The following ARHGAP35 variants were observed in gnomAD, a reference collection of about 807,000 sequenced individuals.
The protein encoded by ARHGAP35 is rho GTPase-activating protein 35.
Under a neutral mutation model 111.1 loss-of-function variants are expected in ARHGAP35, and 15 were observed. The observed-to-expected ratio is 0.13, with a 90% confidence interval of 0.09 to 0.21. ARHGAP35 has a LOEUF of 0.21. ARHGAP35 is among the 10% of genes least tolerant of loss of function. ARHGAP35 has a pLI of 1.00. For synonymous variants in ARHGAP35, 643 were observed against 710.3 expected, an observed-to-expected ratio of 0.91 and a Z score of 1.51; for missense variants, 1,262 against 1,873.0, an observed-to-expected ratio of 0.67 and a Z score of 6.02.
At chr19:46,912,530 T>A (rs897944112) in intron 1 of ARHGAP35, among the ~76,000 whole-genome samples, 2 of 151,466 alleles carry the variant, frequency 1.3e-5, no homozygotes, top group African/African-American at 2.4e-5. Flanking sequence ...ATTTTTTGTA[T>A]TTTTTTTAGT....
chr19:47,001,541 G>A lies in ARHGAP35; in HGVS notation c.*853G>A, dbSNP rs2056748500. 8.3e-6 allele frequency: 5 copies of A among 601,038 alleles called. No individual in the cohort carries two copies. Among genetic ancestry groups the A allele is most frequent in the Non-Finnish European group, 1.3e-5 (5 of 394,106 alleles). The allele number at this position is 601,038 out of a possible 1,614,324, so 37.2% of individuals were successfully genotyped here. A position where few individuals can be genotyped will look rare whatever the true frequency, so the allele number is the denominator to read the frequency against. On this transcript the variant is annotated 3_prime_UTR_variant, in exon 7 of 7. Coordinates refer to ENST00000672722, the MANE Select transcript of ARHGAP35 (RefSeq NM_004491.5). This position sits in a 1 kb window ranked among gnomAD's most constrained non-coding sequence, Gnocchi z 5.4. ...TGGCAGCAAAACCAGGATGCCTGGAGCTGTGGCCTGAGGGCCTGCTGGGGT... is the reference window on the plus strand; with the variant it reads ...TGGCAGCAAAACCAGGATGCCTGGAACTGTGGCCTGAGGGCCTGCTGGGGT...
intron 3 of ARHGAP35, among the ~76,000 whole-genome samples, chr19:46,938,095 G>C (rs1471148324): frequency 6.6e-6 from 1 of 152,148 alleles, no homozygotes. Context: ...CACTAAGGTG[G>C]GTTCTTGAGC....
intron 3 of ARHGAP35, among the ~76,000 whole-genome samples, chr19:46,963,509 C>T (rs374660058): frequency 3.3e-4 from 51 of 152,320 alleles, no homozygotes; most frequent in African/African-American, 1.2e-3. Flanking sequence ...TTCCAAGCCC[C>T]ATCTGAAAGC....
intron 1 of ARHGAP35, among the ~76,000 whole-genome samples, chr19:46,912,565 C>G (rs966305698): frequency 1.3e-5 from 2 of 151,774 alleles, no homozygotes; most frequent in Non-Finnish European, 2.9e-5. Flanking sequence ...ACCATGTTAG[C>G]CAGGATGGTC....
chr19:46,886,087 T>C (rs1332369714), intron 1 of ARHGAP35, among the ~76,000 whole-genome samples: 2 of 152,234 alleles, frequency 1.3e-5, no homozygotes, highest in African/African-American at 4.8e-5. Context: ...GGGTACTGCA[T>C]GATGCTGCAG....
intron 1 of ARHGAP35, among the ~76,000 whole-genome samples, chr19:46,905,603 G>A (rs1261098536): frequency 1.3e-5 from 2 of 151,490 alleles, no homozygotes; most frequent in African/African-American, 4.9e-5. Flanking sequence ...AGGCTGGAGT[G>A]CAATGGCGCG....
chr19:46,961,794 G>C (rs773692013), intron 3 of ARHGAP35, among the ~76,000 whole-genome samples: 1 of 152,122 alleles, frequency 6.6e-6, no homozygotes, highest in Non-Finnish European at 1.5e-5. Flanking sequence ...GCCGGGCGTG[G>C]TGGCGCACAC....
At chr19:46,964,402 GC>G (rs1458143395) in intron 3 of ARHGAP35, among the ~76,000 whole-genome samples, 4 of 151,578 alleles carry the variant, frequency 2.6e-5, no homozygotes, top group Non-Finnish European at 5.9e-5. Flanking sequence ...CCACAGGCAT[GC>G]ACCACCAAGC....
In ARHGAP35 at chr19:46,901,416, GGCATGGTGAC is replaced by G. The variant is rs1342462019; in HGVS notation, c.-188-17069_-188-17060del. ...CCACTAAAAATACAAAAATTAGCTAGGCATGGTGACGCGTGCCTGTAGTTCCAGCTACTTG... is the reference window on the plus strand; with the variant it reads ...CCACTAAAAATACAAAAATTAGCTAGGCGTGCCTGTAGTTCCAGCTACTTG... On this transcript the variant is annotated intron_variant, in intron 1 of 6. Transcript: ENST00000672722. This position sits in a 1 kb window ranked among gnomAD's most constrained non-coding sequence, Gnocchi z 4.5. 1.2e-4 allele frequency among the ~76,000 whole-genome samples: 19 copies of G among 152,136 alleles called. No homozygotes were observed. The highest frequency in any genetic ancestry group is 1.2e-3 in the Admixed American group (19 of 15,286).
chr19:46,996,377 C>T (rs2056707405), intron 5 of ARHGAP35, among the ~76,000 whole-genome samples: 1 of 152,184 alleles, frequency 6.6e-6, no homozygotes, highest in Non-Finnish European at 1.5e-5. Context: ...GCTGGGATTA[C>T]AGGCCTGAGC....
rs1224044915 is a variant in ARHGAP35 at position 46,926,717 on chromosome 19, CCAATT to C, written c.3681+4366_3681+4370del. Among the ~76,000 whole-genome samples the C allele has an allele frequency of 6.6e-6, 1 of 152,150 alleles. No homozygotes were observed. Among genetic ancestry groups the C allele is most frequent in the African/African-American group, 2.4e-5 (1 of 41,434 alleles). ...ACAAGACAACCTATTGAAAAGCTAA[CCAATT>C]CAATCATGCATTGTTTGGTCTATAA... On this transcript the variant is annotated intron_variant, in intron 2 of 6. Coordinates refer to ENST00000672722, the MANE Select transcript of ARHGAP35 (RefSeq NM_004491.5). This position sits in a 1 kb window ranked among gnomAD's most constrained non-coding sequence, Gnocchi z 4.1.
Position 46,999,179 on chromosome 19 carries a change from G to A in ARHGAP35, c.4037-125G>A, listed in dbSNP as rs140307122. The A allele has an allele frequency of 1.1e-3, 727 of 651,726 alleles. 7 individuals carry two copies. The African/African-American group carries it at 0.012, about 11-fold the overall frequency. The allele number at this position is 651,726 out of a possible 1,614,324, so 40.4% of individuals were successfully genotyped here. A position where few individuals can be genotyped will look rare whatever the true frequency, so the allele number is the denominator to read the frequency against. Reference sequence around the variant, plus strand: ...CCTTGGGCACAGGCTTTGGGGGAAAGAGTGGGGTTAGTGTCATCCAAAAGC... The same window carrying A: ...CCTTGGGCACAGGCTTTGGGGGAAAAAGTGGGGTTAGTGTCATCCAAAAGC... On this transcript the variant is annotated intron_variant, in intron 5 of 6. Transcript: ENST00000672722. The surrounding 1 kb of genome is among the most constrained non-coding windows in gnomAD (Gnocchi z 5.4).
chr19:46,891,224 T>C (rs1330145553), intron 1 of ARHGAP35, among the ~76,000 whole-genome samples: 1 of 152,194 alleles, frequency 6.6e-6, no homozygotes, highest in Non-Finnish European at 1.5e-5. Flanking sequence ...ATGGAAGTTG[T>C]ATTGTTACTA....
At position 46,919,203 on chromosome 19, in the gene ARHGAP35, C is replaced by A; in HGVS notation, c.528C>A (p.Asp176Glu). The A allele has an allele frequency of 6.2e-7, 1 of 1,613,930 alleles. No individual in the cohort carries two copies. The highest frequency in any genetic ancestry group is 8.5e-7 in the Non-Finnish European group (1 of 1,179,878). Residue 176 changes from aspartate to glutamate, a missense_variant, in exon 2 of 7, where the codon GAC (aspartate) becomes GAA (glutamate). Coordinates refer to ENST00000672722, the MANE Select transcript of ARHGAP35 (RefSeq NM_004491.5). The surrounding 1 kb of genome is among the most constrained non-coding windows in gnomAD (Gnocchi z 6.2). The stretch of plus-strand genomic sequence containing the variant: ...GGGGCATGAATAGGAACTTTGATGA[C>A]CAGCTCAAGTTTGTCTCCAATCTCT... Reference protein sequence around the residue: ...VSRGMNRNFDDQLKFVSNLYN... With the variant: ...VSRGMNRNFDEQLKFVSNLYN...
At chr19:46,907,489 T>C (rs1041325898) in intron 1 of ARHGAP35, among the ~76,000 whole-genome samples, 4 of 148,058 alleles carry the variant, frequency 2.7e-5, no homozygotes, top group African/African-American at 1.0e-4. Flanking sequence ...TTTGTTTGTT[T>C]GTTTGTTTGT....
chr19:46,943,145 ATCCT>A (rs2056359166), intron 3 of ARHGAP35, among the ~76,000 whole-genome samples: 2 of 151,896 alleles, frequency 1.3e-5, no homozygotes, highest in South Asian at 4.1e-4. Flanking sequence ...GGCTCAAGTG[ATCCT>A]TCCTCCTTTT....
chr19:46,893,690 A>G (rs1421595763), intron 1 of ARHGAP35, among the ~76,000 whole-genome samples: 1 of 151,968 alleles, frequency 6.6e-6, no homozygotes, highest in East Asian at 1.9e-4. Context: ...TAGGAGTATG[A>G]ACTAATGATC....
At position 47,000,851 on chromosome 19, in the gene ARHGAP35, G is replaced by A; in HGVS notation, c.*163G>A. The stretch of plus-strand genomic sequence containing the variant: ...GGAGCACCAGCCAATGGTACCATCG[G>A]CTGGGCTGCCAGGTACCCTGGGCCT... On this transcript the variant is annotated 3_prime_UTR_variant, in exon 7 of 7. Transcript: ENST00000672722. The surrounding 1 kb of genome is among the most constrained non-coding windows in gnomAD (Gnocchi z 6.9). 6.5e-7 allele frequency: 1 copy of A among 1,537,638 alleles called. No individual in the cohort carries two copies. The highest frequency in any genetic ancestry group is 2.4e-5 in the East Asian group (1 of 40,892).
chr19:46,941,362 G>A (rs1187308100), intron 3 of ARHGAP35, among the ~76,000 whole-genome samples: 1 of 151,884 alleles, frequency 6.6e-6, no homozygotes, highest in Non-Finnish European at 1.5e-5. Flanking sequence ...AGGATTCTCT[G>A]TTCTCCTTGT....
Sources: gnomAD v4.1 joint callset for allele counts (sites outside exome capture counted in the v4.1 genomes callset) on GRCh38, gnomAD v4.1.1 for gene constraint, Gnocchi (gnomAD v3.1) non-coding constraint, MANE v1.5 for transcripts, NCBI Gene and HGNC (gene_info 2026-07-23, HGNC 2026-07-21) for gene names.